Variants in GNPDA2 observed in about 807,000 individuals in gnomAD.
GNPDA2 encodes glucosamine-6-phosphate deaminase 2, also known as glcN6P deaminase 2.
In GNPDA2, 24 loss-of-function variants were observed where a neutral mutation model predicts 27.0. The observed-to-expected ratio is 0.89, with a 90% CI of 0.64 to 1.25. The LOEUF is 1.25. Among genes scored for constraint, GNPDA2 ranks in the 50% most tolerant of loss-of-function variants. The pLI is 0.00. For synonymous variants in GNPDA2, 94 were observed against 108.4 expected (o/e 0.87, Z 0.83); for missense variants, 286 against 335.1 (o/e 0.85, Z 1.14).
chr4:44,708,317 T>C (rs1039696361), intron 5 of GNPDA2, among the ~76,000 whole-genome samples: 1 of 152,174 alleles, frequency 6.6e-6, no homozygotes, highest in African/African-American at 2.4e-5. Flanking sequence ...GTTGCTGTAG[T>C]CTAGATAAGC....
intron 6 of GNPDA2, chr4:44,703,661 T>G: frequency 1.0e-6 from 1 of 984,340 alleles, no homozygotes; most frequent in South Asian, 4.7e-5. Flanking sequence ...GGAGGGTTAC[T>G]AAAACAAGAC....
rs1460532317 is a variant in GNPDA2, at chr4:44,705,383, G to A, written c.770-2241C>T. The A allele has an allele frequency of 1.8e-5, 18 of 984,794 alleles. No homozygotes were observed. The Admixed American group carries it at 1.1e-3, about 61-fold the overall frequency. The allele number at this position is 984,794 out of a possible 1,614,324, so 61.0% of individuals were successfully genotyped here. ...TAAATTCTGTCTTCATATTGAAGGA[G>A]GTATCCTAACAGGCTGATACCCTGA... On this transcript the variant is annotated intron_variant, in intron 6 of 6. Transcript: ENST00000295448.
intron 6 of GNPDA2, chr4:44,706,969 T>C (rs1716645109): frequency 6.6e-6 from 1 of 152,060 alleles, no homozygotes; most frequent in Non-Finnish European, 1.5e-5. Flanking sequence ...ATATCAGCTA[T>C]GTAAATACAG....
At chr4:44,716,454 CTGA>C (rs1307455954) in intron 4 of GNPDA2, among the ~76,000 whole-genome samples, 2 of 151,934 alleles carry the variant, frequency 1.3e-5, no homozygotes, top group East Asian at 3.9e-4. Context: ...ATAGTTTACA[CTGA>C]TAATAGAAAA....
chr4:44,714,952 G>A (rs1006341776), intron 4 of GNPDA2, among the ~76,000 whole-genome samples: 1 of 152,132 alleles, frequency 6.6e-6, no homozygotes, highest in Non-Finnish European at 1.5e-5. Flanking sequence ...TGGGAGCGGG[G>A]AGGAGCGGGG....
chr4:44,703,022 A>ATC lies in GNPDA2; in HGVS notation c.*57_*58dup. The ATC allele has an allele frequency of 6.3e-7, 1 of 1,596,972 alleles. No homozygotes were observed. The highest frequency in any genetic ancestry group is 8.5e-7 in the Non-Finnish European group (1 of 1,175,368). ...TGTCATATTGCATAGCTGAAAATTCATCTACTACTTAGTAAAAAGTGCTCT... is the reference window on the plus strand; with the variant it reads ...TGTCATATTGCATAGCTGAAAATTCATCTCTACTACTTAGTAAAAAGTGCTCT... On this transcript the variant is annotated 3_prime_UTR_variant, in exon 7 of 7. Transcript: ENST00000295448.
At chr4:44,707,708 T>C in intron 6 of GNPDA2, 44 bp downstream of exon 6, 1 of 1,554,862 alleles carries the variant, frequency 6.4e-7, no homozygotes, top group Non-Finnish European at 8.8e-7. Flanking sequence ...TAATTGTCAC[T>C]CACAACAGAT....
At chr4:44,722,647 T>C (rs1222709641) in intron 1 of GNPDA2, among the ~76,000 whole-genome samples, 2 of 152,170 alleles carry the variant, frequency 1.3e-5, no homozygotes, top group Non-Finnish European at 2.9e-5. Flanking sequence ...TTACATTGTA[T>C]TAGGTATTAT....
Position 44,703,143 on chromosome 4 carries a change from C to G in GNPDA2, c.770-1G>C, listed in dbSNP as rs1384664528. 1.9e-6 allele frequency: 3 copies of G among 1,605,344 alleles called. No homozygotes were observed. Among genetic ancestry groups the G allele is most frequent in the Non-Finnish European group, 2.5e-6 (3 of 1,177,252 alleles). Reference sequence around the variant, plus strand: ...AGTTTATTGTGCACATGCATTAGACCTTAAAGAAAAAAAGCACAGTTCTAG... The same window carrying G: ...AGTTTATTGTGCACATGCATTAGACGTTAAAGAAAAAAAGCACAGTTCTAG... On this transcript the variant is annotated splice_acceptor_variant, in intron 6 of 6. Coordinates refer to ENST00000295448, the MANE Select transcript of GNPDA2 (RefSeq NM_138335.3). LOFTEE classifies it high-confidence loss of function.
At chr4:44,719,968 A>G (rs1011216588) in intron 2 of GNPDA2, among the ~76,000 whole-genome samples, 1 of 152,124 alleles carries the variant, frequency 6.6e-6, no homozygotes, top group Admixed American at 6.6e-5. Context: ...CACAGGAAAA[A>G]CATTATAAAT....
At chr4:44,721,501 C>T (rs991884484) in intron 2 of GNPDA2, among the ~76,000 whole-genome samples, 16 of 151,974 alleles carry the variant, frequency 1.1e-4, no homozygotes, top group African/African-American at 1.9e-4. Flanking sequence ...ACCACCTAGT[C>T]GTTTTTTAAG....
intron 1 of GNPDA2, among the ~76,000 whole-genome samples, chr4:44,723,325 G>T (rs1344508094): frequency 3.3e-5 from 5 of 152,052 alleles, no homozygotes; most frequent in African/African-American, 7.2e-5. Context: ...TAGTGACTAG[G>T]TCTGGGGTTT....
chr4:44,709,585 G>A (rs1305969724), intron 5 of GNPDA2, among the ~76,000 whole-genome samples: 5 of 151,996 alleles, frequency 3.3e-5, no homozygotes, highest in Non-Finnish European at 7.4e-5. Context: ...CTTAAGTGTA[G>A]CAATAACACT....
chr4:44,718,783 T>A (rs770946242), intron 2 of GNPDA2, among the ~76,000 whole-genome samples: 20 of 151,814 alleles, frequency 1.3e-4, no homozygotes, highest in Non-Finnish European at 2.4e-4. Context: ...TGTAAATAGG[T>A]CAAGTGTTGA....
intron 6 of GNPDA2, chr4:44,705,498 C>G (rs1716540672): frequency 5.1e-6 from 5 of 984,558 alleles, no homozygotes; most frequent in South Asian, 4.7e-5. Context: ...TGGTCTGTTT[C>G]AAAATTTTTC....
At position 44,702,844 on chromosome 4, in the gene GNPDA2, G is replaced by A; in HGVS notation, c.*237C>T. The A allele has an allele frequency of 7.5e-7, 1 of 1,342,256 alleles. No individual in the cohort carries two copies. Among genetic ancestry groups the A allele is most frequent in the Non-Finnish European group, 9.5e-7 (1 of 1,052,890 alleles). 83.1% of individuals were successfully genotyped at this position (1,342,256 alleles called of 1,614,324 possible). ...TCTATGCTGTTTTATAGGTGGCTAT[G>A]TGACTTCAGTACTTTATAATAAATA... On this transcript the variant is annotated 3_prime_UTR_variant, in exon 7 of 7. Coordinates refer to ENST00000295448, the MANE Select transcript of GNPDA2 (RefSeq NM_138335.3).
chr4:44,724,152 G>C (rs1199008606), intron 1 of GNPDA2, among the ~76,000 whole-genome samples: 4 of 152,100 alleles, frequency 2.6e-5, no homozygotes, highest in African/African-American at 9.7e-5. Flanking sequence ...ACTGGCTTTA[G>C]GTTACCTGCC....
At chr4:44,724,886 T>G (rs1436856073) in intron 1 of GNPDA2, among the ~76,000 whole-genome samples, 1 of 152,192 alleles carries the variant, frequency 6.6e-6, no homozygotes, top group African/African-American at 2.4e-5. Flanking sequence ...GGACTCAGCC[T>G]CCACTTAAAT....
intron 6 of GNPDA2, chr4:44,703,362 T>G: frequency 7.6e-7 from 1 of 1,319,508 alleles, no homozygotes; most frequent in Non-Finnish European, 9.6e-7. Flanking sequence ...ACAGTGCAGA[T>G]CTAGAATGTG....
Sources: allele counts gnomAD v4.1 joint callset (sites outside exome capture counted in the v4.1 genomes callset), GRCh38; gene constraint gnomAD v4.1.1; transcripts MANE v1.5; gene names NCBI Gene and HGNC (gene_info 2026-07-23, HGNC 2026-07-21).